Variants in SEMA6D observed in about 807,000 individuals in gnomAD.
SEMA6D encodes the protein semaphorin 6D.
SEMA6D carries 35 observed loss-of-function variants against 106.6 expected under a neutral mutation model. That is an observed-to-expected ratio of 0.33 (90% confidence interval 0.25 to 0.44). SEMA6D has a LOEUF of 0.44. Ranked by LOEUF, SEMA6D falls within the 20% of genes least tolerant of loss-of-function variation. SEMA6D has a pLI of 1.00. For synonymous variants in SEMA6D, 499 were observed against 487.7 expected (o/e 1.02, Z -0.31); for missense variants, 1,185 against 1,345.9 (o/e 0.88, Z 1.87).
At chr15:47,605,870 G>A (rs936767162) in intron 4 of SEMA6D, among the ~76,000 whole-genome samples, 1 of 152,100 alleles carries the variant, frequency 6.6e-6, no homozygotes, top group African/African-American at 2.4e-5. Flanking sequence ...ATTGTTTAGG[G>A]GCTTTTTTGG....
intron 3 of SEMA6D, among the ~76,000 whole-genome samples, chr15:47,552,357 T>C (rs1468401161): frequency 2.0e-5 from 3 of 151,938 alleles, no homozygotes; most frequent in Non-Finnish European, 4.4e-5. Context: ...GTAGAAGATA[T>C]GGTAGTAGGT....
chr15:47,215,157 A>T (rs983462176), intron 1 of SEMA6D, among the ~76,000 whole-genome samples: 1 of 149,278 alleles, frequency 6.7e-6, no homozygotes, highest in African/African-American at 2.5e-5. Flanking sequence ...ATTCAAACAA[A>T]CATCTGCTGT....
At chr15:47,234,121 G>A (rs1566942156) in intron 1 of SEMA6D, among the ~76,000 whole-genome samples, 1 of 151,834 alleles carries the variant, frequency 6.6e-6, no homozygotes, top group African/African-American at 2.4e-5. Context: ...GATGTTTTGG[G>A]AATAAGGGTT....
Position 47,773,563 on chromosome 15 carries a change from T to G in SEMA6D, c.*1778T>G, listed in dbSNP as rs1238803947. The G allele has an allele frequency of 6.6e-6, 1 of 152,342 alleles. No homozygotes were observed. The highest frequency in any genetic ancestry group is 1.5e-5 in the Non-Finnish European group (1 of 68,038). The allele number at this position is 152,342 out of a possible 1,614,324, so 9.4% of individuals were successfully genotyped here. On this transcript the variant is annotated 3_prime_UTR_variant, in exon 19 of 19. Transcript: ENST00000536845. ...ACTGGATTTCTTTTGACAATACTGT[T>G]GGTACCTATTACTTGGGGGAGGACA...
intron 2 of SEMA6D, among the ~76,000 whole-genome samples, chr15:47,419,301 A>G (rs1000873905): frequency 6.6e-6 from 1 of 152,190 alleles, no homozygotes; most frequent in Admixed American, 6.5e-5. Context: ...AGGATGGCTG[A>G]TGAAATCTCT....
At chr15:47,543,638 G>A (rs2045426124) in intron 3 of SEMA6D, among the ~76,000 whole-genome samples, 1 of 152,008 alleles carries the variant, frequency 6.6e-6, no homozygotes, top group Non-Finnish European at 1.5e-5. Flanking sequence ...GTCACCTATG[G>A]GCTAGTTATT....
chr15:47,454,143 T>C (rs1227903751), intron 2 of SEMA6D, among the ~76,000 whole-genome samples: 1 of 151,020 alleles, frequency 6.6e-6, no homozygotes. Context: ...GGTGGATATA[T>C]ACAAGGCTCT....
In SEMA6D at chr15:47,468,754, A is replaced by G. The variant is rs368337840; in HGVS notation, c.-158-1720A>G. Among the ~76,000 whole-genome samples, 11 of 152,160 alleles carry G rather than the reference A, an allele frequency of 7.2e-5. No homozygotes were observed. The East Asian group carries it at 9.6e-4, about 13-fold the overall frequency. ...AGCACAGATTGAATTGTTAATATCC[A>G]ATATCCAGGTTTGAATAGTACAGAT... On this transcript the variant is annotated intron_variant, in intron 2 of 19. Transcript: ENST00000558014.
At chr15:47,683,967 A>G (rs1294809377) in intron 4 of SEMA6D, among the ~76,000 whole-genome samples, 4 of 152,244 alleles carry the variant, frequency 2.6e-5, no homozygotes, top group Non-Finnish European at 4.4e-5. Flanking sequence ...AAGATAGATA[A>G]TAAAGAGGCA....
intron 18 of SEMA6D, among the ~76,000 whole-genome samples, chr15:47,770,183 A>G (rs891503917): frequency 6.6e-6 from 1 of 152,224 alleles, no homozygotes; most frequent in African/African-American, 2.4e-5. Context: ...ATACACTTCT[A>G]ACTATTTTTT....
At chr15:47,254,583 G>A (rs1015598177) in intron 1 of SEMA6D, among the ~76,000 whole-genome samples, 3 of 151,940 alleles carry the variant, frequency 2.0e-5, no homozygotes, top group Non-Finnish European at 4.4e-5. Flanking sequence ...GTGTTGAGGT[G>A]TATGTTCCCT....
chr15:47,464,403 G>T (rs778599147), intron 2 of SEMA6D, among the ~76,000 whole-genome samples: 1 of 152,012 alleles, frequency 6.6e-6, no homozygotes, highest in African/African-American at 2.4e-5. Context: ...TTAAGAAAAG[G>T]CACCCATCCT....
intron 1 of SEMA6D, among the ~76,000 whole-genome samples, chr15:47,232,677 T>G (rs2032282893): frequency 6.6e-6 from 1 of 151,972 alleles, no homozygotes. Context: ...ACACTATTGC[T>G]GGCTTGAAGA....
intron 1 of SEMA6D, among the ~76,000 whole-genome samples, chr15:47,752,090 G>T (rs2081473067): frequency 6.6e-6 from 1 of 152,170 alleles, no homozygotes; most frequent in African/African-American, 2.4e-5. Context: ...GAAAAACCTT[G>T]AAGGCCACAT....
At chr15:47,629,499 T>C (rs541062693) in intron 4 of SEMA6D, among the ~76,000 whole-genome samples, 7 of 152,042 alleles carry the variant, frequency 4.6e-5, no homozygotes, top group Non-Finnish European at 8.8e-5. Context: ...GTTTGTTACA[T>C]GCATAGAATG....
intron 1 of SEMA6D, among the ~76,000 whole-genome samples, chr15:47,300,080 T>C (rs2035962388): frequency 6.6e-6 from 1 of 152,220 alleles, no homozygotes; most frequent in African/African-American, 2.4e-5. Context: ...AGAGTCTGAT[T>C]AATCTGAGCA....
intron 15 of SEMA6D, among the ~76,000 whole-genome samples, 168 bp downstream of exon 15, chr15:47,766,350 C>T (rs1010365108): frequency 6.6e-6 from 1 of 151,462 alleles, no homozygotes; most frequent in Non-Finnish European, 1.5e-5. Flanking sequence ...AATAATAATA[C>T]TTAAGGGAAA....
chr15:47,255,926 T>TC (rs2033782845), intron 1 of SEMA6D, among the ~76,000 whole-genome samples: 1 of 152,190 alleles, frequency 6.6e-6, no homozygotes, highest in Admixed American at 6.5e-5. Context: ...ATCCAGTTGC[T>TC]CCAGCAGCCA....
chr15:47,747,339 G>T (rs2081201661), intron 1 of SEMA6D, among the ~76,000 whole-genome samples: 1 of 152,074 alleles, frequency 6.6e-6, no homozygotes. Flanking sequence ...CTTAGAATTG[G>T]CAAAGACAGG....
Sources: allele counts gnomAD v4.1 joint callset (sites outside exome capture counted in the v4.1 genomes callset), GRCh38; gene constraint gnomAD v4.1.1; transcripts MANE v1.5; gene names NCBI Gene and HGNC (gene_info 2026-07-23, HGNC 2026-07-21).